The following PLD5 variants were observed in gnomAD, a reference collection of about 807,000 sequenced individuals.
PLD5 encodes the protein phospholipase D family member 5, also known as inactive phospholipase D5.
In PLD5, 36 loss-of-function variants were observed where a neutral mutation model predicts 61.1. The ratio of observed to expected loss-of-function variants is 0.59; its 90% confidence interval spans 0.45 to 0.78. The LOEUF (loss-of-function observed/expected upper bound fraction) is 0.78. PLD5 is among the 30% of genes least tolerant of loss of function. PLD5 has a pLI of 0.00. For missense variants in PLD5, 515 were observed against 644.4 expected (o/e 0.80, Z 2.17); for synonymous variants, 243 against 242.8 (o/e 1.00, Z -0.01).
intron 1 of PLD5, chr1:242,365,942 T>G (rs529166597): frequency 4.5e-4 from 69 of 152,342 alleles, no homozygotes; most frequent in African/African-American, 1.6e-3. Flanking sequence ...AATGAATTTT[T>G]AGTTAAAAAC....
At chr1:242,391,252 C>T (rs1221407334) in intron 1 of PLD5, among the ~76,000 whole-genome samples, 1 of 152,066 alleles carries the variant, frequency 6.6e-6, no homozygotes, top group Non-Finnish European at 1.5e-5. Context: ...GTATCTGTGT[C>T]AAAAGCTATG....
intron 1 of PLD5, among the ~76,000 whole-genome samples, chr1:242,373,998 G>A (rs534642171): frequency 7.2e-4 from 109 of 151,400 alleles, no homozygotes; most frequent in Non-Finnish European, 1.4e-3. Context: ...TCGGAACAAA[G>A]CACCACATTG....
intron 1 of PLD5, among the ~76,000 whole-genome samples, chr1:242,399,010 A>G (rs1663766646): frequency 6.6e-6 from 1 of 152,176 alleles, no homozygotes; most frequent in Non-Finnish European, 1.5e-5. Flanking sequence ...GGGAAGCTGT[A>G]AAAAGGGCCA....
rs555040762 is a variant in PLD5 at position 242,182,568 on chromosome 1, C to T, written c.735+37420G>A. ...AAAACCAGCTATAGCACTGGCAGGG[C>T]GCAGTGGCTCACGCTTGTAATTCCA... On this transcript the variant is annotated intron_variant, in intron 5 of 9. Coordinates refer to ENST00000536534, the MANE Select transcript of PLD5 (RefSeq NM_001372062.1). 3.9e-5 allele frequency among the ~76,000 whole-genome samples: 6 copies of T among 152,260 alleles called. No homozygotes were observed. In the East Asian group the frequency reaches 9.7e-4, roughly 25 times the overall value.
intron 5 of PLD5, among the ~76,000 whole-genome samples, chr1:242,157,946 G>A (rs1347174020): frequency 1.3e-5 from 2 of 152,158 alleles, no homozygotes; most frequent in Non-Finnish European, 2.9e-5. Context: ...CCCTGTCCCA[G>A]GGGAGTTTTA....
intron 1 of PLD5, among the ~76,000 whole-genome samples, chr1:242,450,952 C>A (rs942331252): frequency 1.3e-5 from 2 of 152,110 alleles, no homozygotes; most frequent in African/African-American, 4.8e-5. Flanking sequence ...TAACACCTGT[C>A]CCCAAGCTGG....
intron 1 of PLD5, among the ~76,000 whole-genome samples, chr1:242,417,926 C>T (rs1664920074): frequency 1.3e-5 from 2 of 152,080 alleles, no homozygotes; most frequent in African/African-American, 4.8e-5. Flanking sequence ...AAACCAAATG[C>T]TAAAGGAAGA....
intron 2 of PLD5, among the ~76,000 whole-genome samples, chr1:242,306,165 G>A (rs1228469344): frequency 6.6e-6 from 1 of 151,914 alleles, no homozygotes; most frequent in Non-Finnish European, 1.5e-5. Flanking sequence ...TATAACCAGA[G>A]GGGTCCTCAG....
At chr1:242,251,588 G>A (rs1173710801) in intron 4 of PLD5, among the ~76,000 whole-genome samples, 1 of 152,130 alleles carries the variant, frequency 6.6e-6, no homozygotes, top group Non-Finnish European at 1.5e-5. Context: ...GACTGCACAG[G>A]GGTAGGACCA....
intron 9 of PLD5, among the ~76,000 whole-genome samples, chr1:242,092,428 A>G (rs1394009330): frequency 6.6e-6 from 1 of 152,238 alleles, no homozygotes; most frequent in Non-Finnish European, 1.5e-5. Flanking sequence ...CAGGTCTGCC[A>G]GACTGTATGA....
chr1:242,115,313 G>A (rs1239619416), intron 6 of PLD5, among the ~76,000 whole-genome samples: 1 of 152,164 alleles, frequency 6.6e-6, no homozygotes, highest in Non-Finnish European at 1.5e-5. Flanking sequence ...GTGCCAAAAA[G>A]GTTGAGGACC....
intron 5 of PLD5, among the ~76,000 whole-genome samples, chr1:242,207,072 T>C (rs543440828): frequency 6.6e-6 from 1 of 152,254 alleles, no homozygotes; most frequent in Admixed American, 6.5e-5. Flanking sequence ...CTTCAATTGA[T>C]TGGATGAAGC....
At position 242,453,252 on chromosome 1, in the gene PLD5, G is replaced by A. The variant is rs116628624; in HGVS notation, c.189+70836C>T. Among the ~76,000 whole-genome samples the A allele has an allele frequency of 2.3e-3, 348 of 152,270 alleles. 4 individuals carry two copies. The highest frequency in any genetic ancestry group is 0.017 in the Middle Eastern group (5 of 294). On this transcript the variant is annotated intron_variant, in intron 1 of 9. Coordinates refer to ENST00000536534, the MANE Select transcript of PLD5 (RefSeq NM_001372062.1). ...GGAGAAGGCACCATCTAGGAACCAG[G>A]AAGCAGGTCCTCCAGGCATCAAATC...
chr1:242,249,078 T>G (rs952967620), intron 4 of PLD5, among the ~76,000 whole-genome samples: 1 of 152,196 alleles, frequency 6.6e-6, no homozygotes, highest in Admixed American at 6.5e-5. Context: ...ATGGCACCAC[T>G]GAACCCCAGC....
At chr1:242,193,459 A>G (rs1479169787) in intron 5 of PLD5, among the ~76,000 whole-genome samples, 1 of 152,210 alleles carries the variant, frequency 6.6e-6, no homozygotes, top group African/African-American at 2.4e-5. Context: ...GAGGGTGGCC[A>G]TGCACAGAGA....
At chr1:242,435,400 C>A (rs530764841) in intron 1 of PLD5, among the ~76,000 whole-genome samples, 2 of 149,608 alleles carry the variant, frequency 1.3e-5, no homozygotes, top group African/African-American at 5.1e-5. Flanking sequence ...GCCTTAGCAT[C>A]TGTGTGTTTT....
intron 5 of PLD5, among the ~76,000 whole-genome samples, chr1:242,180,316 A>T (rs1456011546): frequency 6.6e-6 from 1 of 152,168 alleles, no homozygotes; most frequent in East Asian, 1.9e-4. Context: ...TGTAGCTTTT[A>T]TTACATACTG....
At chr1:242,417,693 T>C (rs951760501) in intron 1 of PLD5, among the ~76,000 whole-genome samples, 4 of 152,200 alleles carry the variant, frequency 2.6e-5, no homozygotes, top group Non-Finnish European at 5.9e-5. Context: ...TAAGCCCCCG[T>C]TATGGGGCTT....
chr1:242,277,655 T>C (rs1337988990), intron 3 of PLD5, among the ~76,000 whole-genome samples: 2 of 149,790 alleles, frequency 1.3e-5, no homozygotes, highest in African/African-American at 2.5e-5. Context: ...AATGGAAAGA[T>C]GCTTACGTTG....
Sources: allele counts gnomAD v4.1 joint callset (sites outside exome capture counted in the v4.1 genomes callset), GRCh38; gene constraint gnomAD v4.1.1; transcripts MANE v1.5; gene names NCBI Gene and HGNC (gene_info 2026-07-23, HGNC 2026-07-21).